TMEM161B: variants seen among roughly 807,000 people sequenced by gnomAD.
The protein encoded by TMEM161B is transmembrane protein 161B.
TMEM161B carries 34 observed loss-of-function variants against 61.8 expected under a neutral mutation model. That is an observed-to-expected ratio of 0.55 (90% CI 0.42 to 0.73). The LOEUF is 0.73. Ranked by LOEUF, TMEM161B falls within the 30% of genes least tolerant of loss-of-function variation. The pLI is 0.00. For missense variants in TMEM161B, 456 were observed against 558.5 expected (o/e 0.82, Z 1.85); for synonymous variants, 167 against 192.8 (o/e 0.87, Z 1.11).
At position 88,209,473 on chromosome 5, in the gene TMEM161B, CTT is replaced by C. The variant is rs577089680; in HGVS notation, c.447-2295_447-2294del. ...CCCAAAAATTACACCTACCACCACA[CTT>C]TGTTATCCTAGAATAATGAAATTAC... is the stretch of plus-strand genomic sequence containing the variant. On this transcript the variant is annotated intron_variant, in intron 5 of 11. Transcript: ENST00000296595. Among the ~76,000 whole-genome samples the C allele has an allele frequency of 2.6e-5, 4 of 152,126 alleles. No homozygotes were observed. In the South Asian group the frequency reaches 8.3e-4, roughly 31 times the overall value.
At chr5:88,236,587 G>C (rs567553009) in intron 2 of TMEM161B, among the ~76,000 whole-genome samples, 142 of 152,254 alleles carry the variant, frequency 9.3e-4, no homozygotes, top group African/African-American at 3.3e-3. Context: ...CCTTATATGA[G>C]GGAAAGCAGT....
At chr5:88,191,322 C>G (rs6452778), downstream of TMEM161B, among the ~76,000 whole-genome samples, 2,852 of 152,306 alleles carry the variant, frequency 0.019, 73 homozygotes, top group African/African-American at 0.064. Flanking sequence ...AACAACAATA[C>G]ACATCCAGAT....
At chr5:88,252,839 G>A (rs1754511548) in intron 1 of TMEM161B, among the ~76,000 whole-genome samples, 1 of 152,170 alleles carries the variant, frequency 6.6e-6, no homozygotes, top group African/African-American at 2.4e-5. Context: ...GTTTGTAAGA[G>A]TTTTGTCACT....
intron 1 of TMEM161B, among the ~76,000 whole-genome samples, chr5:88,254,314 T>C (rs1365284969): frequency 6.6e-6 from 1 of 152,174 alleles, no homozygotes; most frequent in African/African-American, 2.4e-5. Flanking sequence ...GATAGAGTTA[T>C]TTGAAGAACT....
chr5:88,188,111 C>G (rs1748467904), downstream of TMEM161B, among the ~76,000 whole-genome samples: 1 of 150,564 alleles, frequency 6.6e-6, no homozygotes, highest in Admixed American at 6.6e-5. Context: ...AGTATTTTTA[C>G]TTTTTTTTTG....
chr5:88,265,174 T>C (rs190215486), intron 1 of TMEM161B, among the ~76,000 whole-genome samples: 1 of 152,308 alleles, frequency 6.6e-6, no homozygotes, highest in Non-Finnish European at 1.5e-5. Context: ...GAAGTGTTTT[T>C]TATCAAGTAT....
Position 88,203,163 on chromosome 5 carries a change from T to C in TMEM161B, c.801-88A>G, listed in dbSNP as rs1744749287. 6.6e-5 allele frequency: 50 copies of C among 753,054 alleles called. 1 individual carries two copies. In the South Asian group the frequency reaches 7.3e-4, roughly 11 times the overall value. The allele number at this position is 753,054 out of a possible 1,614,324, so 46.6% of individuals were successfully genotyped here. On this transcript the variant is annotated intron_variant, in intron 8 of 11. Transcript: ENST00000296595. ...AGCTGGGGTCTTACTAAAATGGAGG[T>C]AGGAGCTTATTTGCAGTATTCTACT...
chr5:88,268,146 C>A (rs1437876429), intron 1 of TMEM161B, among the ~76,000 whole-genome samples: 1 of 152,206 alleles, frequency 6.6e-6, no homozygotes, highest in Admixed American at 6.5e-5. Context: ...CAACCTTCCT[C>A]CACACCCCTG....
At chr5:88,208,601 C>T (rs1746051703) in intron 5 of TMEM161B, among the ~76,000 whole-genome samples, 1 of 152,176 alleles carries the variant, frequency 6.6e-6, no homozygotes, top group African/African-American at 2.4e-5. Context: ...GAGATAGCAC[C>T]ACTGCACTCC....
At chr5:88,225,943 A>C (rs1412930545) in intron 3 of TMEM161B, 77 bp from the exon 4 acceptor site, 4 of 899,492 alleles carry the variant, frequency 4.4e-6, no homozygotes, top group Non-Finnish European at 5.1e-6. Context: ...AACTAATTAC[A>C]GATGAAGTTT....
intron 10 of TMEM161B, 158 bp from the exon 11 acceptor site, chr5:88,197,923 A>C (rs1016099512): frequency 2.4e-5 from 12 of 499,292 alleles, no homozygotes; most frequent in African/African-American, 2.4e-4. Context: ...CATGTCCCCA[A>C]AATGACTTTG....
At chr5:88,225,609 C>G (rs938520007) in intron 4 of TMEM161B, among the ~76,000 whole-genome samples, 160 bp downstream of exon 4, 4 of 151,822 alleles carry the variant, frequency 2.6e-5, no homozygotes, top group Non-Finnish European at 1.5e-5. Flanking sequence ...GTTAGGTGAA[C>G]AAAAAAATAA....
chr5:88,196,626 AAAT>A, intron 11 of TMEM161B, 138 bp from the exon 12 acceptor site: 1 of 949,470 alleles, frequency 1.1e-6, no homozygotes, highest in Non-Finnish European at 1.5e-6. Context: ...AAATAAAGTA[AAAT>A]AATAATCCTT....
chr5:88,232,247 G>C (rs1561378825), intron 2 of TMEM161B, among the ~76,000 whole-genome samples: 1 of 152,124 alleles, frequency 6.6e-6, no homozygotes, highest in Non-Finnish European at 1.5e-5. Context: ...CCAGGAACAT[G>C]CATGTATGGA....
At chr5:88,249,989 G>A (rs1754118070) in intron 1 of TMEM161B, among the ~76,000 whole-genome samples, 1 of 152,118 alleles carries the variant, frequency 6.6e-6, no homozygotes, top group African/African-American at 2.4e-5. Flanking sequence ...TGGACCAGCA[G>A]GCTTGCAGGG....
At chr5:88,260,935 C>T (rs969472543) in intron 1 of TMEM161B, among the ~76,000 whole-genome samples, 1 of 152,152 alleles carries the variant, frequency 6.6e-6, no homozygotes, top group Non-Finnish European at 1.5e-5. Flanking sequence ...AACAGAACTA[C>T]TACGTCTGTT....
intron 4 of TMEM161B, among the ~76,000 whole-genome samples, chr5:88,223,654 G>A (rs1284133300): frequency 2.6e-5 from 4 of 152,146 alleles, no homozygotes; most frequent in Non-Finnish European, 5.9e-5. Flanking sequence ...TTGGGAGGCC[G>A]AGGCGGGCAG....
At chr5:88,235,244 T>A (rs559761901) in intron 2 of TMEM161B, among the ~76,000 whole-genome samples, 2 of 152,324 alleles carry the variant, frequency 1.3e-5, no homozygotes, top group South Asian at 4.1e-4. Context: ...AATAAAACTT[T>A]TAGAAATTTA....
At chr5:88,268,389 G>A (rs1003340297) in intron 1 of TMEM161B, among the ~76,000 whole-genome samples, 1 of 152,194 alleles carries the variant, frequency 6.6e-6, no homozygotes, top group Admixed American at 6.5e-5. Context: ...GGGCGCAGAA[G>A]AGGTGACTGA....
Sources: allele counts gnomAD v4.1 joint callset (sites outside exome capture counted in the v4.1 genomes callset), GRCh38; gene constraint gnomAD v4.1.1; transcripts MANE v1.5; gene names NCBI Gene and HGNC (gene_info 2026-07-23, HGNC 2026-07-21).